Variants in SNTG1 observed in about 807,000 individuals in gnomAD.
SNTG1 encodes the protein gamma-1-syntrophin.
A neutral mutation model predicts 74.7 loss-of-function variants in SNTG1; 39 were observed. That is an observed-to-expected ratio of 0.52 (90% CI 0.40 to 0.68). The LOEUF is 0.68. SNTG1 is among the 30% of genes least tolerant of loss of function. The pLI, the probability that SNTG1 is intolerant of heterozygous loss-of-function variation, is 0.00. For missense variants in SNTG1, 685 were observed against 609.5 expected, an observed-to-expected ratio of 1.12 and a Z score of -1.30; for synonymous variants, 254 against 217.1, an observed-to-expected ratio of 1.17 and a Z score of -1.49.
rs1911830 is a variant in SNTG1 at position 50,658,612 on chromosome 8, G to A, written c.987G>A (p.Thr329=). The stretch of plus-strand genomic sequence containing the variant: ...TAAAGGTGACCACCTGGGACTGGAC[G>A]AGAGCAGAGAAAACATTCTCAGTTT... ...LAPPVTTWDW[T]RAEKTFSVYE... is the part of the protein sequence containing the mutation. Residue 329 remains threonine, a synonymous_variant, in exon 15 of 19, where the codon ACG becomes ACA. Transcript: ENST00000642720. 0.65 allele frequency: 1,039,198 copies of A among 1,603,866 alleles called. 345,076 individuals carry two copies. The highest frequency in any genetic ancestry group is 0.69 in the Non-Finnish European group (803,576 of 1,172,668).
At chr8:50,066,039 A>C (rs1820871199) in intron 1 of SNTG1, among the ~76,000 whole-genome samples, 1 of 152,082 alleles carries the variant, frequency 6.6e-6, no homozygotes, top group Non-Finnish European at 1.5e-5. Flanking sequence ...ACATGGTGAA[A>C]CCCCGTCTCT....
chr8:50,620,540 A>G (rs1395914343), intron 13 of SNTG1, among the ~76,000 whole-genome samples: 1 of 152,200 alleles, frequency 6.6e-6, no homozygotes, highest in Non-Finnish European at 1.5e-5. Context: ...AAGAGCACAT[A>G]CAGAATTCAG....
chr8:50,335,621 C>T (rs972543067), intron 2 of SNTG1, among the ~76,000 whole-genome samples: 2 of 152,004 alleles, frequency 1.3e-5, no homozygotes, highest in African/African-American at 4.8e-5. Flanking sequence ...CATCAGACTG[C>T]TCTCTCTCAT....
intron 3 of SNTG1, among the ~76,000 whole-genome samples, chr8:50,397,920 C>T (rs1344664970): frequency 6.6e-6 from 1 of 152,182 alleles, no homozygotes; most frequent in Admixed American, 6.5e-5. Flanking sequence ...TAAATTAATA[C>T]TTCTTGTCAC....
intron 2 of SNTG1, among the ~76,000 whole-genome samples, chr8:50,299,416 T>C (rs968617426): frequency 6.6e-6 from 1 of 152,238 alleles, no homozygotes; most frequent in Admixed American, 6.5e-5. Flanking sequence ...ATATTGAACA[T>C]GTATCATAAG....
intron 18 of SNTG1, among the ~76,000 whole-genome samples, chr8:50,753,985 A>G (rs1236313027): frequency 1.3e-5 from 2 of 151,988 alleles, no homozygotes; most frequent in African/African-American, 2.4e-5. Flanking sequence ...GGCCAGCCCT[A>G]CAGAATTGTT....
chr8:50,243,646 G>A (rs764246737), intron 2 of SNTG1, among the ~76,000 whole-genome samples: 3 of 150,804 alleles, frequency 2.0e-5, no homozygotes, highest in Admixed American at 6.6e-5. Flanking sequence ...CAAATGTGAT[G>A]CATTTTAAGG....
intron 9 of SNTG1, among the ~76,000 whole-genome samples, chr8:50,511,743 C>T (rs1231735003): frequency 6.6e-6 from 1 of 152,116 alleles, no homozygotes; most frequent in African/African-American, 2.4e-5. Context: ...GCAACCTCTG[C>T]CTTTTTTTGT....
chr8:50,764,483 A>G (rs2095608508), intron 18 of SNTG1, among the ~76,000 whole-genome samples: 1 of 152,002 alleles, frequency 6.6e-6, no homozygotes, highest in Non-Finnish European at 1.5e-5. Flanking sequence ...TTCTCAAAAG[A>G]AGACATAATA....
Position 50,245,786 on chromosome 8 carries a change from G to A in SNTG1, c.-28+73151G>A, listed in dbSNP as rs192963589. On this transcript the variant is annotated intron_variant, in intron 2 of 18. Coordinates refer to ENST00000642720, the MANE Select transcript of SNTG1 (RefSeq NM_018967.5). ...TGGGGCTTGTCAGCCATCCCTGTGAGCTCAACTTTCTTATATGTCAGTCGT... is the reference window on the plus strand; with the variant it reads ...TGGGGCTTGTCAGCCATCCCTGTGAACTCAACTTTCTTATATGTCAGTCGT... 1.2e-4 allele frequency among the ~76,000 whole-genome samples: 18 copies of A among 152,238 alleles called. No homozygotes were observed. In the East Asian group the frequency reaches 3.5e-3, roughly 29 times the overall value.
intron 2 of SNTG1, among the ~76,000 whole-genome samples, chr8:50,197,010 G>A (rs1004031744): frequency 1.1e-4 from 16 of 151,742 alleles, no homozygotes; most frequent in African/African-American, 3.6e-4. Context: ...AAAATTGAAA[G>A]TAGCATACAG....
At chr8:50,720,814 T>C (rs1301901630) in intron 17 of SNTG1, among the ~76,000 whole-genome samples, 1 of 152,218 alleles carries the variant, frequency 6.6e-6, no homozygotes, top group Non-Finnish European at 1.5e-5. Flanking sequence ...TTTAACATGT[T>C]CTATAGAATA....
intron 1 of SNTG1, among the ~76,000 whole-genome samples, chr8:50,115,796 T>A (rs1416346043): frequency 6.6e-6 from 1 of 152,036 alleles, no homozygotes; most frequent in Non-Finnish European, 1.5e-5. Flanking sequence ...AGGTATGACG[T>A]TTAGCTTAAG....
intron 2 of SNTG1, among the ~76,000 whole-genome samples, chr8:50,177,286 C>T (rs1254029531): frequency 6.6e-6 from 1 of 152,148 alleles, no homozygotes; most frequent in Non-Finnish European, 1.5e-5. Flanking sequence ...ATATGACTTT[C>T]CACATCTGCT....
chr8:50,247,803 C>T (rs548077729), intron 2 of SNTG1, among the ~76,000 whole-genome samples: 7 of 152,096 alleles, frequency 4.6e-5, no homozygotes, highest in Non-Finnish European at 1.0e-4. Flanking sequence ...GAATTACAGC[C>T]GTGAGCCACT....
In SNTG1 at chr8:50,099,061, AG is replaced by A. The variant is rs941954154; in HGVS notation, c.-102-73499del. 7.2e-5 allele frequency among the ~76,000 whole-genome samples: 11 copies of A among 152,228 alleles called. 1 individual carries two copies. The highest frequency in any genetic ancestry group is 2.4e-4 in the African/African-American group (10 of 41,560). The stretch of plus-strand genomic sequence containing the variant: ...ATACTGAAATTTAAAACTATTTAAA[AG>A]CACCTCACAAAAAATAAGTGAGTCA... On this transcript the variant is annotated intron_variant, in intron 1 of 18. Transcript: ENST00000642720.
intron 1 of SNTG1, among the ~76,000 whole-genome samples, chr8:50,133,295 G>C (rs1002859695): frequency 6.6e-6 from 1 of 151,950 alleles, no homozygotes; most frequent in African/African-American, 2.4e-5. Context: ...TCTCCATAAG[G>C]CCTCAACAGG....
chr8:50,537,104 T>A (rs1009667197), intron 11 of SNTG1, among the ~76,000 whole-genome samples: 2 of 152,140 alleles, frequency 1.3e-5, no homozygotes, highest in Non-Finnish European at 2.9e-5. Flanking sequence ...TCAAGAATAT[T>A]GCATAGTTTA....
intron 15 of SNTG1, among the ~76,000 whole-genome samples, chr8:50,672,879 T>C (rs567655286): frequency 6.6e-6 from 1 of 152,108 alleles, no homozygotes; most frequent in African/African-American, 2.4e-5. Flanking sequence ...TGTAAGGAAG[T>C]AGTCCAGTTT....
Sources: allele counts gnomAD v4.1 joint callset (sites outside exome capture counted in the v4.1 genomes callset), GRCh38; gene constraint gnomAD v4.1.1; transcripts MANE v1.5; gene names NCBI Gene and HGNC (gene_info 2026-07-23, HGNC 2026-07-21).